Variants in POU6F2 observed in about 807,000 individuals in gnomAD.
POU6F2 encodes the protein POU domain, class 6, transcription factor 2.
Under a neutral mutation model 71.3 loss-of-function variants are expected in POU6F2, and 31 were observed. The ratio of observed to expected loss-of-function variants is 0.43; its 90% CI spans 0.33 to 0.59. POU6F2 has a LOEUF of 0.59. POU6F2 is among the 20% of genes least tolerant of loss of function. POU6F2 has a pLI of 0.04. For synonymous variants in POU6F2, 347 were observed against 355.7 expected (o/e 0.98, Z 0.27); for missense variants, 783 against 856.8 (o/e 0.91, Z 1.07).
At chr7:39,049,952 A>G (rs1015831301) in intron 1 of POU6F2, among the ~76,000 whole-genome samples, 8 of 152,008 alleles carry the variant, frequency 5.3e-5, no homozygotes, top group African/African-American at 1.9e-4. Context: ...TAATATGAGT[A>G]ACACTTTCCT....
chr7:39,385,541 A>G (rs192730555), intron 5 of POU6F2, among the ~76,000 whole-genome samples: 103 of 152,318 alleles, frequency 6.8e-4, no homozygotes, highest in African/African-American at 2.4e-3. Context: ...TAAGAACCCA[A>G]TAATCACCCT....
rs1792616604 is a variant in POU6F2 at position 39,146,055 on chromosome 7, G to A, written c.278-58180G>A. Among the ~76,000 whole-genome samples, 3 of 152,204 alleles carry A rather than the reference G, an allele frequency of 2.0e-5. No homozygotes were observed. In the South Asian group the frequency reaches 6.2e-4, roughly 31 times the overall value. On this transcript the variant is annotated intron_variant, in intron 2 of 9. Coordinates refer to ENST00000518318, the MANE Select transcript of POU6F2 (RefSeq NM_001370959.1). ...CAGGGATGAGCTGAACACTTCTCTT[G>A]CATGGAGCTTACAGTCTAAGGGAGA...
At position 39,128,043 on chromosome 7, in the gene POU6F2, G is replaced by A. The variant is rs1006167320; in HGVS notation, c.277+42012G>A. ...GTTTTAGTAGAGATGGGGTTTCACCGTGTTAGCCAGGATGGTCTCGATCCC... is the reference window on the plus strand; with the variant it reads ...GTTTTAGTAGAGATGGGGTTTCACCATGTTAGCCAGGATGGTCTCGATCCC... On this transcript the variant is annotated intron_variant, in intron 2 of 9. Transcript: ENST00000518318. Among the ~76,000 whole-genome samples the A allele has an allele frequency of 1.4e-4, 21 of 151,570 alleles. 1 individual carries two copies. Among genetic ancestry groups the A allele is most frequent in the Middle Eastern group, 6.8e-3 (2 of 294 alleles).
intron 2 of POU6F2, among the ~76,000 whole-genome samples, chr7:39,098,047 A>G (rs983486251): frequency 3.3e-5 from 5 of 152,204 alleles, no homozygotes; most frequent in African/African-American, 1.2e-4. Flanking sequence ...TTTGGTGCAT[A>G]TGCCGTGGAA....
At chr7:39,323,319 C>T (rs1415651063) in intron 4 of POU6F2, among the ~76,000 whole-genome samples, 2 of 152,192 alleles carry the variant, frequency 1.3e-5, no homozygotes, top group African/African-American at 4.8e-5. Context: ...CATGCAGGGT[C>T]ATGTTGCCAG....
chr7:39,033,156 T>C (rs537619033), intron 1 of POU6F2, among the ~76,000 whole-genome samples: 1 of 152,198 alleles, frequency 6.6e-6, no homozygotes, highest in Non-Finnish European at 1.5e-5. Flanking sequence ...CAAGAGAATA[T>C]ACACTATACA....
chr7:39,185,136 A>G (rs887124229), intron 2 of POU6F2, among the ~76,000 whole-genome samples: 2 of 152,188 alleles, frequency 1.3e-5, no homozygotes, highest in Non-Finnish European at 2.9e-5. Context: ...ATTGTTACCT[A>G]AAGAAGTTAT....
At chr7:39,006,416 A>G (rs962894103) in intron 1 of POU6F2, among the ~76,000 whole-genome samples, 2 of 152,118 alleles carry the variant, frequency 1.3e-5, no homozygotes, top group African/African-American at 2.4e-5. Context: ...GTGAGCTGAG[A>G]TTGTGCCACT....
At chr7:39,208,800 G>C (rs1794076398) in intron 4 of POU6F2, among the ~76,000 whole-genome samples, 1 of 152,154 alleles carries the variant, frequency 6.6e-6, no homozygotes, top group South Asian at 2.1e-4. Context: ...TGGGAAGCCA[G>C]ATCTCAAGAT....
intron 4 of POU6F2, among the ~76,000 whole-genome samples, chr7:39,334,930 C>T (rs1248018547): frequency 6.6e-6 from 1 of 152,152 alleles, no homozygotes; most frequent in East Asian, 1.9e-4. Flanking sequence ...CTGGGAGTTG[C>T]TTCCCCCAGT....
chr7:39,370,238 G>A (rs1444964253), intron 5 of POU6F2, among the ~76,000 whole-genome samples: 1 of 152,160 alleles, frequency 6.6e-6, no homozygotes, highest in Non-Finnish European at 1.5e-5. Flanking sequence ...GGAAACCTAA[G>A]TGCAACTTCC....
chr7:39,461,507 A>G (rs1788949338), intron 9 of POU6F2, among the ~76,000 whole-genome samples: 1 of 152,194 alleles, frequency 6.6e-6, no homozygotes, highest in African/African-American at 2.4e-5. Context: ...GTCCTCCTCC[A>G]ACAGGAAAAG....
chr7:39,375,818 C>G (rs1236319741), intron 5 of POU6F2, among the ~76,000 whole-genome samples: 1 of 152,088 alleles, frequency 6.6e-6, no homozygotes, highest in Non-Finnish European at 1.5e-5. Context: ...CAGTCAATAG[C>G]AGGAGATGCT....
At chr7:39,345,583 C>A (rs1222359445) in intron 5 of POU6F2, among the ~76,000 whole-genome samples, 1 of 152,138 alleles carries the variant, frequency 6.6e-6, no homozygotes, top group Admixed American at 6.5e-5. Context: ...TTTTGGCTGA[C>A]ATTTTTCACT....
At chr7:38,987,679 G>A (rs545476145) in intron 1 of POU6F2, among the ~76,000 whole-genome samples, 4 of 152,072 alleles carry the variant, frequency 2.6e-5, no homozygotes, top group Non-Finnish European at 4.4e-5. Context: ...TAGACAAAGT[G>A]TACATTATTG....
chr7:39,313,190 A>G (rs1334959548), intron 4 of POU6F2, among the ~76,000 whole-genome samples: 1 of 151,052 alleles, frequency 6.6e-6, no homozygotes, highest in Admixed American at 6.6e-5. Flanking sequence ...CTTGACCCAC[A>G]CTCTCCAGCC....
At chr7:39,172,014 C>T (rs1264227018) in intron 2 of POU6F2, among the ~76,000 whole-genome samples, 1 of 152,060 alleles carries the variant, frequency 6.6e-6, no homozygotes, top group East Asian at 1.9e-4. Context: ...GTTCACTTTG[C>T]CAAAGCATCA....
chr7:39,191,957 G>T (rs1793679042), intron 2 of POU6F2, among the ~76,000 whole-genome samples: 1 of 152,164 alleles, frequency 6.6e-6, no homozygotes, highest in Admixed American at 6.5e-5. Flanking sequence ...CTCTTGATGA[G>T]ACATTAATTT....
intron 6 of POU6F2, among the ~76,000 whole-genome samples, chr7:39,414,591 G>A (rs911877342): frequency 6.6e-6 from 1 of 152,222 alleles, no homozygotes; most frequent in South Asian, 2.1e-4. Context: ...CTTTGCTGCG[G>A]GGCGGCCCAG....
Sources: gnomAD v4.1 joint callset for allele counts (sites outside exome capture counted in the v4.1 genomes callset) on GRCh38, gnomAD v4.1.1 for gene constraint, MANE v1.5 for transcripts, NCBI Gene and HGNC (gene_info 2026-07-23, HGNC 2026-07-21) for gene names.